The following ACACA variants were observed in gnomAD, a reference collection of about 807,000 sequenced individuals.
ACACA encodes acetyl-CoA carboxylase 1.
A neutral mutation model predicts 296.1 loss-of-function variants in ACACA; 103 were observed. The ratio of observed to expected loss-of-function variants is 0.35; its 90% CI spans 0.30 to 0.41. ACACA has a LOEUF of 0.41. Ranked by LOEUF, ACACA falls within the 10% of genes least tolerant of loss-of-function variation. The probability of loss-of-function intolerance (pLI) is 1.00; values close to 1 mark genes in which losing one functional copy is unlikely to be tolerated. For synonymous variants in ACACA, 953 were observed against 1,038.6 expected (o/e 0.92, Z 1.58); for missense variants, 1,554 against 2,989.7 (o/e 0.52, Z 11.20).
intron 11 of ACACA, 21 bp from the exon 12 acceptor site, chr17:37,259,551 A>G (rs777036327): frequency 6.2e-7 from 1 of 1,614,020 alleles, no homozygotes; most frequent in Non-Finnish European, 8.5e-7. Context: ...AGAGATAAGC[A>G]AACATAAGTA....
intron 3 of ACACA, among the ~76,000 whole-genome samples, chr17:37,305,349 T>G (rs1287686026): frequency 6.6e-6 from 1 of 152,222 alleles, no homozygotes; most frequent in African/African-American, 2.4e-5. Flanking sequence ...GCCACTGATG[T>G]CTCAGCTCAT....
intron 52 of ACACA, among the ~76,000 whole-genome samples, chr17:37,100,483 A>G (rs536795699): frequency 6.6e-5 from 10 of 152,298 alleles, no homozygotes; most frequent in Admixed American, 2.0e-4. Context: ...CTGAGGAAAC[A>G]TGCTACAAAA....
chr17:37,367,559 A>C (rs1022873929), intron 1 of ACACA: 1 of 152,074 alleles, frequency 6.6e-6, no homozygotes, highest in Non-Finnish European at 1.5e-5. Context: ...TATATTATAT[A>C]TATCTATCTT....
chr17:37,363,380 A>G (rs542852503), intron 1 of ACACA, among the ~76,000 whole-genome samples: 1 of 151,238 alleles, frequency 6.6e-6, no homozygotes, highest in Non-Finnish European at 1.5e-5. Flanking sequence ...ACGCGGCTTC[A>G]CCATGTTGGT....
chr17:37,186,696 T>A (rs1489077484), intron 39 of ACACA, among the ~76,000 whole-genome samples: 4 of 152,170 alleles, frequency 2.6e-5, no homozygotes, highest in Non-Finnish European at 5.9e-5. Context: ...TCAGGGCTTT[T>A]AAAATATGCA....
At chr17:37,247,631 T>C (rs1329815598) in intron 18 of ACACA, among the ~76,000 whole-genome samples, 1 of 152,184 alleles carries the variant, frequency 6.6e-6, no homozygotes, top group African/African-American at 2.4e-5. Flanking sequence ...CCTCCCAAAG[T>C]GCTGGGATTA....
At chr17:37,157,528 TATC>T (rs978821227) in intron 42 of ACACA, among the ~76,000 whole-genome samples, 12 of 142,406 alleles carry the variant, frequency 8.4e-5, no homozygotes, top group Admixed American at 3.7e-4. Flanking sequence ...TAGATCATTC[TATC>T]TTTTTTTTTT....
chr17:37,248,504 G>A, intron 17 of ACACA, 89 bp downstream of exon 17: 1 of 974,064 alleles, frequency 1.0e-6, no homozygotes, highest in Non-Finnish European at 1.7e-6. Flanking sequence ...CCCCATCCCT[G>A]CATTAAATCA....
At chr17:37,300,014 T>C (rs2083545327) in intron 3 of ACACA, among the ~76,000 whole-genome samples, 1 of 152,192 alleles carries the variant, frequency 6.6e-6, no homozygotes, top group African/African-American at 2.4e-5. Context: ...TAGAATCAAG[T>C]GTGAGCCACG....
intron 10 of ACACA, among the ~76,000 whole-genome samples, chr17:37,269,080 A>G (rs532634015): frequency 3.3e-5 from 5 of 151,062 alleles, no homozygotes; most frequent in Non-Finnish European, 7.4e-5. Flanking sequence ...GTAATATTCA[A>G]TTTCTGACAC....
At chr17:37,343,910 TACC>T (rs1444479417) in intron 1 of ACACA, among the ~76,000 whole-genome samples, 1 of 152,022 alleles carries the variant, frequency 6.6e-6, no homozygotes, top group East Asian at 1.9e-4. Flanking sequence ...TATTTTAATT[TACC>T]ACAAGTTTTA....
At position 37,206,724 on chromosome 17, in the gene ACACA, T is replaced by C. The variant is rs73982267; in HGVS notation, c.3948+59A>G. ...ATAGTTCAAAGTCAGAAAGATAGTA[T>C]ACAGTAGAAGTCCCATGTCTGAGGG... On this transcript the variant is annotated intron_variant, in intron 32 of 55. Coordinates refer to ENST00000616317, the MANE Select transcript of ACACA (RefSeq NM_198834.3). 204 of 1,333,426 alleles carry C rather than the reference T, an allele frequency of 1.5e-4. No homozygotes were observed. In the African/African-American group the frequency reaches 2.3e-3, roughly 15 times the overall value. 82.6% of individuals were successfully genotyped at this position (1,333,426 alleles called of 1,614,324 possible).
rs1056824285 is a variant in ACACA, at chr17:37,164,900, T to C, written c.5080-2850A>G. Among the ~76,000 whole-genome samples, 7 of 152,296 alleles carry C rather than the reference T, an allele frequency of 4.6e-5. No homozygotes were observed. In the South Asian group the frequency reaches 6.2e-4, roughly 14 times the overall value. ...CAGCATTTGTGTGCTAATGTAAACA[T>C]TGTGACCATGTGGCACTGGGCAGGC... On this transcript the variant is annotated intron_variant, in intron 41 of 55. Transcript: ENST00000616317.
chr17:37,178,210 A>G (rs1198403049), intron 41 of ACACA, among the ~76,000 whole-genome samples: 7 of 152,214 alleles, frequency 4.6e-5, no homozygotes, highest in African/African-American at 1.7e-4. Context: ...TGCATGGACA[A>G]GAGTATAAGA....
intron 45 of ACACA, among the ~76,000 whole-genome samples, chr17:37,148,182 T>C (rs2075892682): frequency 6.6e-6 from 1 of 151,590 alleles, no homozygotes; most frequent in African/African-American, 2.4e-5. Flanking sequence ...AAATTATCTT[T>C]GGCATTCATC....
intron 1 of ACACA, chr17:37,388,778 T>G: frequency 6.2e-7 from 1 of 1,613,298 alleles, no homozygotes; most frequent in Admixed American, 1.7e-5. Flanking sequence ...TTTGTAATTT[T>G]TGAAGTCCCA....
Position 37,241,941 on chromosome 17 carries a change from A to C in ACACA, c.3032+12T>G. On this transcript the variant is annotated intron_variant, in intron 23 of 55. Transcript: ENST00000616317. Reference sequence around the variant, plus strand: ...TGGACAGGTCTGGGAATCTGGAGTTACAAGTTACTACCTCTGTACCAGCTG... The same window carrying C: ...TGGACAGGTCTGGGAATCTGGAGTTCCAAGTTACTACCTCTGTACCAGCTG... 1.2e-6 allele frequency: 2 copies of C among 1,607,380 alleles called. No homozygotes were observed. The highest frequency in any genetic ancestry group is 8.5e-7 in the Non-Finnish European group (1 of 1,173,942).
At chr17:37,140,942 T>C (rs2075547240) in intron 45 of ACACA, 3 of 325,168 alleles carry the variant, frequency 9.2e-6, no homozygotes, top group Middle Eastern at 1.0e-3. Context: ...CCTGTCACCT[T>C]GCAAGGAATG....
intron 10 of ACACA, among the ~76,000 whole-genome samples, chr17:37,269,662 G>A (rs1028455911): frequency 1.3e-5 from 2 of 151,516 alleles, no homozygotes; most frequent in African/African-American, 4.9e-5. Flanking sequence ...ATTTTAAGTT[G>A]GGGACCACCT....
Sources: allele counts gnomAD v4.1 joint callset (sites outside exome capture counted in the v4.1 genomes callset), GRCh38; gene constraint gnomAD v4.1.1; transcripts MANE v1.5; gene names NCBI Gene and HGNC (gene_info 2026-07-23, HGNC 2026-07-21).